HDAC9: variants seen among roughly 807,000 people sequenced by gnomAD.
HDAC9 encodes histone deacetylase 9, also known as MEF-2 interacting transcription repressor (MITR) protein.
HDAC9 carries 41 observed loss-of-function variants against 139.4 expected under a neutral mutation model. The ratio of observed to expected loss-of-function variants is 0.29; its 90% CI spans 0.23 to 0.38. The LOEUF is 0.38. HDAC9 is among the 10% of genes least tolerant of loss of function. The pLI, the probability that HDAC9 is intolerant of heterozygous loss-of-function variation, is 1.00. For synonymous variants in HDAC9, 517 were observed against 476.2 expected, an observed-to-expected ratio of 1.09 and a Z score of -1.12; for missense variants, 1,147 against 1,297.0, an observed-to-expected ratio of 0.88 and a Z score of 1.78.
chr7:18,161,748 A>T (rs1161064817), intron 1 of HDAC9, among the ~76,000 whole-genome samples: 2 of 152,180 alleles, frequency 1.3e-5, no homozygotes, highest in African/African-American at 4.8e-5. Context: ...TCACTCTTAT[A>T]GTTTATGGCC....
chr7:18,829,387 G>A lies in HDAC9; in HGVS notation c.2379-74G>A. ...GAGATCATATAGCATTTAAAAAAAT[G>A]CTCTGAACATTATTTATAATGGTTT... On this transcript the variant is annotated intron_variant, in intron 18 of 25. Coordinates refer to ENST00000686413, the MANE Select transcript of HDAC9 (RefSeq NM_178425.4). 5 of 1,254,570 alleles carry A rather than the reference G, an allele frequency of 4.0e-6. No individual in the cohort carries two copies. The Admixed American group carries it at 7.1e-5, about 18-fold the overall frequency. The allele number at this position is 1,254,570 out of a possible 1,614,324, so 77.7% of individuals were successfully genotyped here.
At chr7:18,549,198 A>T (rs1816249581) in intron 2 of HDAC9, among the ~76,000 whole-genome samples, 2 of 152,196 alleles carry the variant, frequency 1.3e-5, no homozygotes, top group South Asian at 4.1e-4. Flanking sequence ...AGATTGCACC[A>T]CTGCACTCCA....
At chr7:18,135,182 A>G (rs1280147428) in intron 1 of HDAC9, among the ~76,000 whole-genome samples, 1 of 151,772 alleles carries the variant, frequency 6.6e-6, no homozygotes, top group Admixed American at 6.6e-5. Context: ...GAAGTAGGAA[A>G]TGTCTTACTA....
At chr7:18,660,341 G>T (rs1205031104) in intron 11 of HDAC9, among the ~76,000 whole-genome samples, 1 of 152,052 alleles carries the variant, frequency 6.6e-6, no homozygotes, top group East Asian at 1.9e-4. Context: ...TTTGTATTTT[G>T]TGAATCTTTA....
intron 14 of HDAC9, among the ~76,000 whole-genome samples, chr7:18,757,729 G>A (rs1035277930): frequency 3.3e-5 from 5 of 152,078 alleles, no homozygotes; most frequent in African/African-American, 7.2e-5. Context: ...AATCTATATC[G>A]TGTGTGTGCT....
chr7:18,638,100 T>C (rs1160227896), intron 8 of HDAC9, among the ~76,000 whole-genome samples: 1 of 152,088 alleles, frequency 6.6e-6, no homozygotes, highest in Non-Finnish European at 1.5e-5. Flanking sequence ...CTTTACCGTT[T>C]ACAAAATTGG....
chr7:18,414,321 G>T (rs1354738341), intron 1 of HDAC9, among the ~76,000 whole-genome samples: 4 of 150,652 alleles, frequency 2.7e-5, no homozygotes, highest in Admixed American at 2.0e-4. Context: ...GACAAAAAAA[G>T]ACAAAAAGTA....
intron 6 of HDAC9, among the ~76,000 whole-genome samples, chr7:18,599,497 T>C (rs963237090): frequency 2.0e-5 from 3 of 152,176 alleles, no homozygotes; most frequent in Non-Finnish European, 4.4e-5. Flanking sequence ...TAACCACTAA[T>C]TTTTTTATTG....
intron 14 of HDAC9, among the ~76,000 whole-genome samples, chr7:18,760,290 C>G (rs1789268705): frequency 2.0e-5 from 3 of 152,176 alleles, no homozygotes. Context: ...CCTGAAATCT[C>G]ACAGTTAAAA....
intron 1 of HDAC9, among the ~76,000 whole-genome samples, chr7:18,330,754 C>G (rs1213590892): frequency 6.6e-6 from 1 of 151,712 alleles, no homozygotes; most frequent in African/African-American, 2.4e-5. Flanking sequence ...AAACTGCTGA[C>G]AGTTCCTTAA....
At chr7:18,314,070 A>G (rs1799484568) in intron 1 of HDAC9, among the ~76,000 whole-genome samples, 1 of 152,194 alleles carries the variant, frequency 6.6e-6, no homozygotes, top group Admixed American at 6.5e-5. Flanking sequence ...TCTTTTTACT[A>G]TCCTCCTATC....
At chr7:18,113,477 G>A (rs181496038) in intron 1 of HDAC9, among the ~76,000 whole-genome samples, 4 of 152,262 alleles carry the variant, frequency 2.6e-5, no homozygotes, top group African/African-American at 9.6e-5. Context: ...AAGTTTCTAC[G>A]AGATGATCAG....
At chr7:18,093,011 C>T (rs1232694471) in intron 1 of HDAC9, among the ~76,000 whole-genome samples, 1 of 152,150 alleles carries the variant, frequency 6.6e-6, no homozygotes, top group Non-Finnish European at 1.5e-5. Flanking sequence ...GGTCTACCCT[C>T]ATTTTATAGA....
chr7:18,086,989 C>T (rs1390176578), exon 1 of HDAC9: 2 of 150,274 alleles, frequency 1.3e-5, no homozygotes, highest in African/African-American at 4.9e-5. Context: ...CCGCCGCTCT[C>T]GCCGCTTTCG....
intron 2 of HDAC9, among the ~76,000 whole-genome samples, chr7:18,169,789 C>T (rs1026368922): frequency 2.0e-5 from 3 of 152,156 alleles, no homozygotes; most frequent in Admixed American, 6.5e-5. Flanking sequence ...AGGACATGAA[C>T]TCATCCTTTT....
At chr7:18,379,460 T>C (rs1249512747) in intron 1 of HDAC9, among the ~76,000 whole-genome samples, 1 of 152,230 alleles carries the variant, frequency 6.6e-6, no homozygotes, top group African/African-American at 2.4e-5. Flanking sequence ...TCTTGAATCC[T>C]TGAATGCATT....
chr7:18,126,107 T>C (rs1188021263), intron 1 of HDAC9, among the ~76,000 whole-genome samples: 1 of 152,188 alleles, frequency 6.6e-6, no homozygotes, highest in Non-Finnish European at 1.5e-5. Context: ...ACAAAGGGGA[T>C]AGAGAATAAC....
At chr7:18,636,898 A>G (rs1784067959) in intron 8 of HDAC9, among the ~76,000 whole-genome samples, 1 of 151,952 alleles carries the variant, frequency 6.6e-6, no homozygotes, top group Non-Finnish European at 1.5e-5. Context: ...AAAAAATTTT[A>G]GATTGTTGTT....
intron 1 of HDAC9, among the ~76,000 whole-genome samples, chr7:18,329,943 T>C (rs1334084788): frequency 6.6e-6 from 1 of 151,202 alleles, no homozygotes; most frequent in East Asian, 2.0e-4. Flanking sequence ...TCTAAGGTAC[T>C]TTGGGTCTAT....
Sources: allele counts gnomAD v4.1 joint callset (sites outside exome capture counted in the v4.1 genomes callset), GRCh38; gene constraint gnomAD v4.1.1; transcripts MANE v1.5; gene names NCBI Gene and HGNC (gene_info 2026-07-23, HGNC 2026-07-21).